The following WDFY4 variants were observed in gnomAD, a reference collection of about 807,000 sequenced individuals.
WDFY4 encodes WDFY family member 4, also known as WD repeat- and FYVE domain-containing protein 4.
A neutral mutation model predicts 351.9 loss-of-function variants in WDFY4; 169 were observed. That is an observed-to-expected ratio of 0.48 (90% CI 0.42 to 0.55). The LOEUF (loss-of-function observed/expected upper bound fraction) is 0.55, where lower values mean the gene tolerates loss of function less well. Ranked by LOEUF, WDFY4 falls within the 20% of genes least tolerant of loss-of-function variation. The pLI is 0.00. For missense variants in WDFY4, 3,803 were observed against 3,935.6 expected, an observed-to-expected ratio of 0.97 and a Z score of 0.90; for synonymous variants, 1,622 against 1,574.6, an observed-to-expected ratio of 1.03 and a Z score of -0.71.
intron 43 of WDFY4, among the ~76,000 whole-genome samples, chr10:48,880,667 C>A (rs563662229): frequency 6.6e-6 from 1 of 152,186 alleles, no homozygotes; most frequent in Non-Finnish European, 1.5e-5. Flanking sequence ...GTGTGAGGTT[C>A]GGCTCCTGGC....
intron 2 of WDFY4, among the ~76,000 whole-genome samples, chr10:48,717,779 T>C (rs2063956263): frequency 6.6e-6 from 1 of 152,254 alleles, no homozygotes. Flanking sequence ...TATATAAATA[T>C]ACCACAAATT....
chr10:48,786,029 T>A (rs1156318815), intron 19 of WDFY4, among the ~76,000 whole-genome samples: 3 of 152,238 alleles, frequency 2.0e-5, no homozygotes, highest in Non-Finnish European at 2.9e-5. Flanking sequence ...ACTTTTTCCA[T>A]CATCACTTAG....
rs577286308 is a variant in WDFY4 at position 48,766,807 on chromosome 10, C to A, written c.2553+6367C>A. Reference sequence around the variant, plus strand: ...TTGTTTCTCTGTATCTCAATTTCAACTACTCAGATTTGGCCTGGATCACAG... The same window carrying A: ...TTGTTTCTCTGTATCTCAATTTCAAATACTCAGATTTGGCCTGGATCACAG... On this transcript the variant is annotated intron_variant, in intron 13 of 61. Coordinates refer to ENST00000325239, the MANE Select transcript of WDFY4 (RefSeq NM_001394531.1). Among the ~76,000 whole-genome samples the A allele has an allele frequency of 3.9e-5, 6 of 152,258 alleles. No individual in the cohort carries two copies. In the East Asian group the frequency reaches 1.2e-3, roughly 29 times the overall value.
intron 43 of WDFY4, among the ~76,000 whole-genome samples, chr10:48,881,471 C>T (rs1201102648): frequency 6.6e-6 from 1 of 152,134 alleles, no homozygotes; most frequent in Non-Finnish European, 1.5e-5. Flanking sequence ...GCCTGACCAG[C>T]TGGAATGGGG....
chr10:48,775,919 T>A, intron 15 of WDFY4, 113 bp downstream of exon 15: 2 of 990,400 alleles, frequency 2.0e-6, no homozygotes, highest in Non-Finnish European at 3.1e-6. Context: ...AAACATGGTT[T>A]TGTCTGCTGC....
chr10:48,818,238 G>T (rs970661391), intron 32 of WDFY4, among the ~76,000 whole-genome samples: 1 of 152,216 alleles, frequency 6.6e-6, no homozygotes, highest in African/African-American at 2.4e-5. Flanking sequence ...AGCTAAAGGA[G>T]CATATTTGAA....
At chr10:48,887,696 A>T (rs1458442114) in intron 43 of WDFY4, among the ~76,000 whole-genome samples, 1 of 151,886 alleles carries the variant, frequency 6.6e-6, no homozygotes, top group African/African-American at 2.4e-5. Context: ...GGAGAATGGC[A>T]TGAACCCAGG....
intron 2 of WDFY4, among the ~76,000 whole-genome samples, chr10:48,718,036 C>T (rs1249986054): frequency 6.6e-6 from 1 of 152,152 alleles, no homozygotes; most frequent in Non-Finnish European, 1.5e-5. Context: ...TCCTGTGATT[C>T]CCCCCATTCT....
intron 43 of WDFY4, among the ~76,000 whole-genome samples, chr10:48,880,487 C>T (rs571177052): frequency 1.6e-3 from 243 of 152,324 alleles, no homozygotes; most frequent in African/African-American, 5.4e-3. Context: ...CGTGGCTCAG[C>T]GGGAAGCTGT....
At chr10:48,915,908 G>T (rs779637757) in intron 47 of WDFY4, among the ~76,000 whole-genome samples, 2 of 152,190 alleles carry the variant, frequency 1.3e-5, no homozygotes, top group Non-Finnish European at 2.9e-5. Flanking sequence ...GGTTTCCAGA[G>T]CCAGCACCAT....
intron 11 of WDFY4, 71 bp downstream of exon 11, chr10:48,736,141 C>T: frequency 2.6e-6 from 4 of 1,518,906 alleles, no homozygotes; most frequent in Non-Finnish European, 2.7e-6. Flanking sequence ...TTTGCTCAGG[C>T]ATTTGTATTC....
At chr10:48,704,788 A>G (rs11597850) in intron 1 of WDFY4, among the ~76,000 whole-genome samples, 23,127 of 152,158 alleles carry the variant, frequency 0.15, 2,160 homozygotes, top group Non-Finnish European at 0.21. Flanking sequence ...CTCTGCTCCC[A>G]CCTCAGTACC....
At position 48,779,921 on chromosome 10, in the gene WDFY4, G is replaced by A. The variant is rs1224687295; in HGVS notation, c.3398-20G>A. On this transcript the variant is annotated intron_variant, in intron 18 of 61. Coordinates refer to ENST00000325239, the MANE Select transcript of WDFY4 (RefSeq NM_001394531.1). ...AGTGTAGCACCACACGTGAGACTCA[G>A]TGTTCATGCTGTCTTCCAGATGTCA... 1 of 1,550,976 alleles carries A rather than the reference G, an allele frequency of 6.4e-7. No individual in the cohort carries two copies. Among genetic ancestry groups the A allele is most frequent in the Non-Finnish European group, 8.7e-7 (1 of 1,146,986 alleles).
intron 30 of WDFY4, among the ~76,000 whole-genome samples, chr10:48,812,654 C>T (rs779338777): frequency 6.6e-6 from 1 of 152,190 alleles, no homozygotes; most frequent in Non-Finnish European, 1.5e-5. Context: ...TCCTTGGCCA[C>T]ATTTCTCCAA....
At chr10:48,857,158 C>G (rs749205424) in intron 39 of WDFY4, among the ~76,000 whole-genome samples, 2 of 152,070 alleles carry the variant, frequency 1.3e-5, no homozygotes, top group Non-Finnish European at 2.9e-5. Context: ...ACAGAACTAA[C>G]AGTTATGCAC....
At chr10:48,712,792 G>T (rs1254724475) in intron 2 of WDFY4, among the ~76,000 whole-genome samples, 1 of 151,996 alleles carries the variant, frequency 6.6e-6, no homozygotes, top group Non-Finnish European at 1.5e-5. Flanking sequence ...GTTCTTTAAG[G>T]TTTTCCATGA....
At chr10:48,827,266 A>G (rs2133039563) in intron 36 of WDFY4, among the ~76,000 whole-genome samples, 1 of 152,200 alleles carries the variant, frequency 6.6e-6, no homozygotes, top group Non-Finnish European at 1.5e-5. Flanking sequence ...TTGCAATCTT[A>G]GAAAGGAAAA....
intron 12 of WDFY4, 109 bp downstream of exon 12, chr10:48,743,657 C>T: frequency 8.7e-6 from 11 of 1,261,494 alleles, no homozygotes; most frequent in Admixed American, 2.7e-5. Context: ...AATGGGTGTG[C>T]AGAAATGTCA....
chr10:48,913,865 G>T, intron 47 of WDFY4: 7 of 1,614,138 alleles, frequency 4.3e-6, no homozygotes, highest in South Asian at 1.1e-5. Context: ...GGTAGAGCAG[G>T]CTGGTCATCT....
Sources: allele counts gnomAD v4.1 joint callset (sites outside exome capture counted in the v4.1 genomes callset), GRCh38; gene constraint gnomAD v4.1.1; transcripts MANE v1.5; gene names NCBI Gene and HGNC (gene_info 2026-07-23, HGNC 2026-07-21).